The following NUP153 variants were observed in gnomAD, a reference collection of about 807,000 sequenced individuals.
NUP153 encodes nuclear pore complex protein Nup153.
Under a neutral mutation model 134.6 loss-of-function variants are expected in NUP153, and 27 were observed. The ratio of observed to expected loss-of-function variants is 0.20; its 90% CI spans 0.15 to 0.28. The LOEUF is 0.28. Among genes scored for constraint, NUP153 ranks in the 10% least tolerant of loss-of-function variants. The probability of loss-of-function intolerance (pLI) is 1.00; values close to 1 mark genes in which losing one functional copy is unlikely to be tolerated. For synonymous variants in NUP153, 640 were observed against 623.5 expected (o/e 1.03, Z -0.40); for missense variants, 1,821 against 1,731.3 (o/e 1.05, Z -0.92).
Position 17,669,439 on chromosome 6 carries a change from G to A in NUP153, c.960C>T (p.Ser320=). Residue 320 remains serine (S), a synonymous_variant, in exon 6 of 22, where the codon AGC becomes AGT. Transcript: ENST00000262077. ...GATTTTAAAAATTTACCGCTAAAGG[G>A]CTTGACATCTTCTCTAAAGACTGCA... is the stretch of plus-strand genomic sequence containing the variant. ...RILQSLEKMS[S]PLADAKRIPS... is the part of the protein sequence containing the mutation. The A allele has an allele frequency of 6.2e-7, 1 of 1,612,374 alleles. No homozygotes were observed. The highest frequency in any genetic ancestry group is 8.5e-7 in the Non-Finnish European group (1 of 1,178,452).
chr6:17,706,184 T>A lies in NUP153; in HGVS notation c.111+93A>T. The A allele has an allele frequency of 9.8e-7, 1 of 1,021,862 alleles. No individual in the cohort carries two copies. The highest frequency in any genetic ancestry group is 2.5e-5 in the East Asian group (1 of 39,898). The allele number at this position is 1,021,862 out of a possible 1,614,324, so 63.3% of individuals were successfully genotyped here. ...GGGCCTTTCCTCAGGCCCTCCTGTC[T>A]GCTCCACGTGGGGCGCCGGGGCCTC... On this transcript the variant is annotated intron_variant, in intron 1 of 21. Transcript: ENST00000262077. This position sits in a 1 kb window ranked among gnomAD's most constrained non-coding sequence, Gnocchi z 5.9.
intron 8 of NUP153, among the ~76,000 whole-genome samples, chr6:17,666,509 G>A (rs1013528510): frequency 6.6e-6 from 1 of 152,088 alleles, no homozygotes; most frequent in Non-Finnish European, 1.5e-5. Context: ...GCAAGAGTCA[G>A]TCTCCCAAAA....
intron 5 of NUP153, among the ~76,000 whole-genome samples, chr6:17,673,170 C>T (rs1768017106): frequency 6.6e-6 from 1 of 152,100 alleles, no homozygotes; most frequent in Admixed American, 6.6e-5. Context: ...AGTTCGAGAC[C>T]AGCCTGGCTA....
At chr6:17,636,580 C>T (rs2113783117) in intron 16 of NUP153, among the ~76,000 whole-genome samples, 1 of 152,256 alleles carries the variant, frequency 6.6e-6, no homozygotes, top group East Asian at 1.9e-4. Context: ...CCATCATCCA[C>T]TTCTGGATGA....
intron 14 of NUP153, among the ~76,000 whole-genome samples, chr6:17,641,266 G>A (rs991237275): frequency 6.6e-6 from 1 of 152,222 alleles, no homozygotes; most frequent in South Asian, 2.1e-4. Flanking sequence ...CCAGGCACGG[G>A]GGCCCGTGCC....
chr6:17,632,711 T>A lies in NUP153; in HGVS notation c.2598A>T (p.Ala866=). The A allele has an allele frequency of 6.2e-7, 1 of 1,613,864 alleles. No homozygotes were observed. Among genetic ancestry groups the A allele is most frequent in the Non-Finnish European group, 8.5e-7 (1 of 1,179,928 alleles). The change falls in exon 17 of 22, where the codon GCA becomes GCT. Residue 866 remains alanine (A), a synonymous_variant. Coordinates refer to ENST00000262077, the MANE Select transcript of NUP153 (RefSeq NM_005124.4). ...DCELCLVQNK[A]DSTKCLACES... ...CACATGCCAAACATTTGGTAGAGTC[T>A]GCCTTATTCTGCACTAGGCACAATT...
chr6:17,637,470 C>G lies in NUP153; in HGVS notation c.2147G>C (p.Gly716Ala), dbSNP rs1472596921. The change falls in exon 16 of 22, where the codon GGA becomes GCA. Residue 716 changes from glycine to alanine, a missense_variant. Transcript: ENST00000262077. ...TTLSASGTGF[G>A]DKFKPVIGTW... ...GCCTATCACTGGTTTAAATTTGTCT[C>G]CAAAGCCTGTCCCTGATGCAGAAAG... 1.2e-6 allele frequency: 2 copies of G among 1,614,210 alleles called. No individual in the cohort carries two copies. The highest frequency in any genetic ancestry group is 4.5e-5 in the East Asian group (2 of 44,888).
rs1554137474 is a variant in NUP153, at chr6:17,632,845, C to CT, written c.2465-2dup. The CT allele has an allele frequency of 5.0e-6, 5 of 999,338 alleles. No individual in the cohort carries two copies. The highest frequency in any genetic ancestry group is 3.5e-5 in the South Asian group (2 of 56,470). The allele number at this position is 999,338 out of a possible 1,614,324, so 61.9% of individuals were successfully genotyped here. A position where few individuals can be genotyped will look rare whatever the true frequency, so the allele number is the denominator to read the frequency against. On this transcript the variant is annotated splice_acceptor_variant, in intron 16 of 21. Coordinates refer to ENST00000262077, the MANE Select transcript of NUP153 (RefSeq NM_005124.4). LOFTEE classifies it high-confidence loss of function. ...CTACTTGAAGCAGGTACTGAACTTC[C>CT]TAAAAAAAAAAAAAAAAACGGGGAG...
At chr6:17,691,245 C>T (rs1212107711) in intron 1 of NUP153, among the ~76,000 whole-genome samples, 1 of 152,196 alleles carries the variant, frequency 6.6e-6, no homozygotes, top group African/African-American at 2.4e-5. Context: ...AGTAAGCTCT[C>T]TATCAAACAC....
chr6:17,705,810 G>A (rs910516705), intron 1 of NUP153, among the ~76,000 whole-genome samples: 5 of 151,492 alleles, frequency 3.3e-5, no homozygotes, highest in Admixed American at 6.6e-5. Flanking sequence ...CTCCCCGTCT[G>A]CCCCAGAGTT....
Position 17,647,920 on chromosome 6 carries a change from T to C in NUP153, c.1534-15A>G. 1 of 1,520,828 alleles carries C rather than the reference T, an allele frequency of 6.6e-7. No homozygotes were observed. Among genetic ancestry groups the C allele is most frequent in the Non-Finnish European group, 9.1e-7 (1 of 1,102,436 alleles). The allele number at this position is 1,520,828 out of a possible 1,614,324, so 94.2% of individuals were successfully genotyped here. ...GTCATTTGTACCTGGTTTTCCAAAT[T>C]ATTAAGAAATGATACAAAAAGAGCT... On this transcript the variant is annotated splice_polypyrimidine_tract_variant and intron_variant, in intron 12 of 21. Coordinates refer to ENST00000262077, the MANE Select transcript of NUP153 (RefSeq NM_005124.4).
chr6:17,665,045 T>C (rs1251284145), intron 9 of NUP153, among the ~76,000 whole-genome samples, 194 bp downstream of exon 9: 4 of 544 alleles, frequency 7.4e-3, no homozygotes, highest in Non-Finnish European at 0.027. Flanking sequence ...AGAGTGAGAC[T>C]CCGTCTCAAA....
At chr6:17,685,092 AACTC>A (rs1768833388) in intron 2 of NUP153, among the ~76,000 whole-genome samples, 1 of 152,260 alleles carries the variant, frequency 6.6e-6, no homozygotes, top group African/African-American at 2.4e-5. Context: ...GATTGCCACA[AACTC>A]AATTTGTAAA....
intron 20 of NUP153, among the ~76,000 whole-genome samples, chr6:17,617,389 G>A (rs1222640852): frequency 6.8e-6 from 1 of 146,756 alleles, no homozygotes; most frequent in African/African-American, 2.5e-5. Flanking sequence ...AAGAACAGAA[G>A]CAATTGCATT....
At position 17,628,504 on chromosome 6, in the gene NUP153, A is replaced by G. The variant is rs1208786483; in HGVS notation, c.3544+151T>C. 2.6e-6 allele frequency: 1 copy of G among 377,774 alleles called. No individual in the cohort carries two copies. Among genetic ancestry groups the G allele is most frequent in the Non-Finnish European group, 4.4e-6 (1 of 226,192 alleles). The allele number at this position is 377,774 out of a possible 1,614,324, so 23.4% of individuals were successfully genotyped here. On this transcript the variant is annotated intron_variant, in intron 18 of 21. Transcript: ENST00000262077. The surrounding 1 kb of genome is among the most constrained non-coding windows in gnomAD (Gnocchi z 5.4). ...TTTTAAAGAGCAGTTCAAACTGAAAATCCTAGGTTCCTTCCCAAAGAGTTC... is the reference window on the plus strand; with the variant it reads ...TTTTAAAGAGCAGTTCAAACTGAAAGTCCTAGGTTCCTTCCCAAAGAGTTC...
At chr6:17,648,360 T>C (rs2113798552) in intron 12 of NUP153, among the ~76,000 whole-genome samples, 1 of 152,272 alleles carries the variant, frequency 6.6e-6, no homozygotes, top group South Asian at 2.1e-4. Flanking sequence ...CTCACGCTTG[T>C]AATCCTAGCA....
In NUP153 at chr6:17,628,639, A is replaced by AT; in HGVS notation, c.3544+15_3544+16insA. ...AAAAAAAATAATAATAATAATAATA[A>AT]AAAGTTAATACTTACCAGCTGTAGT... On this transcript the variant is annotated intron_variant, in intron 18 of 21. Coordinates refer to ENST00000262077, the MANE Select transcript of NUP153 (RefSeq NM_005124.4). This position sits in a 1 kb window ranked among gnomAD's most constrained non-coding sequence, Gnocchi z 5.4. 3 of 1,268,066 alleles carry AT rather than the reference A, an allele frequency of 2.4e-6. No homozygotes were observed. The highest frequency in any genetic ancestry group is 3.0e-6 in the Non-Finnish European group (3 of 996,958). 78.6% of individuals were successfully genotyped at this position (1,268,066 alleles called of 1,614,324 possible).
chr6:17,677,398 G>C (rs1298729094), intron 2 of NUP153, among the ~76,000 whole-genome samples: 1 of 151,842 alleles, frequency 6.6e-6, no homozygotes, highest in Non-Finnish European at 1.5e-5. Flanking sequence ...AAAGAAAACT[G>C]TGATCCATGC....
At chr6:17,665,724 G>GTT (rs987932482) in intron 8 of NUP153, among the ~76,000 whole-genome samples, 1 of 145,784 alleles carries the variant, frequency 6.9e-6, no homozygotes, top group Non-Finnish European at 1.5e-5. Flanking sequence ...ACAGTTTTTT[G>GTT]TTTTTTTTTT....
Sources: gnomAD v4.1 joint callset for allele counts (sites outside exome capture counted in the v4.1 genomes callset) on GRCh38, gnomAD v4.1.1 for gene constraint, Gnocchi (gnomAD v3.1) non-coding constraint, MANE v1.5 for transcripts, NCBI Gene and HGNC (gene_info 2026-07-23, HGNC 2026-07-21) for gene names.